Variants in SCAPER observed in about 807,000 individuals in gnomAD.
SCAPER encodes S-phase cyclin A associated protein in the ER.
Under a neutral mutation model 182.2 loss-of-function variants are expected in SCAPER, and 98 were observed. That is an observed-to-expected ratio of 0.54 (90% confidence interval 0.46 to 0.64). The LOEUF is 0.64. Among genes scored for constraint, SCAPER ranks in the 30% least tolerant of loss-of-function variants. The pLI, the probability that SCAPER is intolerant of heterozygous loss-of-function variation, is 0.00. For missense variants in SCAPER, 1,432 were observed against 1,690.0 expected (o/e 0.85, Z 2.68); for synonymous variants, 605 against 564.6 (o/e 1.07, Z -1.01).
At chr15:76,561,572 T>C (rs2046625074) in intron 23 of SCAPER, among the ~76,000 whole-genome samples, 2 of 152,148 alleles carry the variant, frequency 1.3e-5, no homozygotes, top group South Asian at 2.1e-4. Flanking sequence ...TTGAGTAACT[T>C]TTCTTAGCAC....
chr15:76,774,555 T>C, intron 9 of SCAPER: 1 of 354,012 alleles, frequency 2.8e-6, no homozygotes, highest in Non-Finnish European at 5.1e-6. Context: ...ATCCATGCTC[T>C]AGGATTTAAA....
chr15:76,670,207 T>C (rs1390144444), intron 20 of SCAPER, among the ~76,000 whole-genome samples: 1 of 151,850 alleles, frequency 6.6e-6, no homozygotes, highest in Non-Finnish European at 1.5e-5. Flanking sequence ...TTAAAATATT[T>C]CTAATACCTA....
chr15:76,780,376 A>G (rs2064041841), intron 8 of SCAPER, among the ~76,000 whole-genome samples: 1 of 152,228 alleles, frequency 6.6e-6, no homozygotes, highest in African/African-American at 2.4e-5. Context: ...GTGGCCGGGA[A>G]GCTCGAACCA....
At chr15:76,807,248 T>C (rs772780033) in intron 5 of SCAPER, among the ~76,000 whole-genome samples, 1 of 152,252 alleles carries the variant, frequency 6.6e-6, no homozygotes, top group Non-Finnish European at 1.5e-5. Context: ...TGAATGTTTT[T>C]ATCATGAAAT....
chr15:76,479,610 T>G (rs868537038), intron 24 of SCAPER, among the ~76,000 whole-genome samples: 2 of 152,172 alleles, frequency 1.3e-5, no homozygotes, highest in East Asian at 3.9e-4. Flanking sequence ...GCAGGACATA[T>G]AGAAAAAGGA....
At chr15:76,816,024 C>A (rs1270194396) in intron 5 of SCAPER, among the ~76,000 whole-genome samples, 2 of 151,980 alleles carry the variant, frequency 1.3e-5, no homozygotes, top group Non-Finnish European at 1.5e-5. Flanking sequence ...GTAGCATTTA[C>A]CATGAATGGA....
chr15:76,647,112 A>G (rs1460853330), intron 21 of SCAPER, among the ~76,000 whole-genome samples: 1 of 152,210 alleles, frequency 6.6e-6, no homozygotes, highest in East Asian at 1.9e-4. Context: ...GACACCTACC[A>G]TGTGCAGAAA....
intron 22 of SCAPER, among the ~76,000 whole-genome samples, chr15:76,610,629 G>A (rs1411138717): frequency 6.6e-6 from 1 of 152,024 alleles, no homozygotes; most frequent in Non-Finnish European, 1.5e-5. Flanking sequence ...AGATTTCTAT[G>A]TATAAACAAC....
intron 5 of SCAPER, among the ~76,000 whole-genome samples, chr15:76,810,408 C>A (rs1349099810): frequency 6.6e-6 from 1 of 151,466 alleles, no homozygotes; most frequent in African/African-American, 2.4e-5. Context: ...CAAGGGAAGT[C>A]AAGGTGTTAT....
At chr15:76,583,209 G>C (rs1436087751) in intron 22 of SCAPER, among the ~76,000 whole-genome samples, 4 of 152,106 alleles carry the variant, frequency 2.6e-5, no homozygotes, top group Admixed American at 6.6e-5. Flanking sequence ...AAATTAGCCA[G>C]ACATGGTGGC....
chr15:76,550,773 G>A (rs1443337702), intron 23 of SCAPER, among the ~76,000 whole-genome samples: 1 of 152,180 alleles, frequency 6.6e-6, no homozygotes. Context: ...TTGCCACACT[G>A]TCTTCCACAA....
At position 76,650,412 on chromosome 15, in the gene SCAPER, G is replaced by A. The variant is rs1041414394; in HGVS notation, c.2645+15241C>T. ...GTAGGTTTTAGGATAAAGAGAATTA[G>A]AAGAAGATATGAAGAAGGAAAATTG... On this transcript the variant is annotated intron_variant, in intron 21 of 31. Coordinates refer to ENST00000563290, the MANE Select transcript of SCAPER (RefSeq NM_020843.4). Among the ~76,000 whole-genome samples, 3 of 151,878 alleles carry A rather than the reference G, an allele frequency of 2.0e-5. No individual in the cohort carries two copies. In the East Asian group the frequency reaches 5.8e-4, roughly 29 times the overall value.
chr15:76,376,791 CTA>C (rs1283693789), intron 28 of SCAPER, among the ~76,000 whole-genome samples: 1 of 151,968 alleles, frequency 6.6e-6, no homozygotes, highest in Non-Finnish European at 1.5e-5. Flanking sequence ...TAAATAACAA[CTA>C]GTTATTATTC....
chr15:76,677,231 T>C (rs1286410010), intron 20 of SCAPER, among the ~76,000 whole-genome samples: 4 of 152,152 alleles, frequency 2.6e-5, no homozygotes, highest in African/African-American at 9.6e-5. Context: ...TCCTGCATAA[T>C]ACAATTCCTA....
intron 17 of SCAPER, among the ~76,000 whole-genome samples, chr15:76,714,457 G>C (rs2059771009): frequency 6.6e-6 from 1 of 151,880 alleles, no homozygotes; most frequent in Non-Finnish European, 1.5e-5. Context: ...GCATGCCCTG[G>C]GCCCCAGCAA....
intron 5 of SCAPER, among the ~76,000 whole-genome samples, chr15:76,822,903 A>C (rs1301918060): frequency 6.6e-6 from 1 of 152,218 alleles, no homozygotes; most frequent in Non-Finnish European, 1.5e-5. Context: ...ATTTAATTGC[A>C]TTTAAAAAAC....
intron 25 of SCAPER, among the ~76,000 whole-genome samples, chr15:76,458,219 T>TAC (rs373650498): frequency 1.0e-3 from 151 of 151,710 alleles, no homozygotes; most frequent in African/African-American, 3.1e-3. Flanking sequence ...TAGATATATA[T>TAC]ACACACACAC....
At chr15:76,637,888 CTGAG>C (rs1447674516) in intron 21 of SCAPER, among the ~76,000 whole-genome samples, 1 of 151,038 alleles carries the variant, frequency 6.6e-6, no homozygotes, top group Non-Finnish European at 1.5e-5. Context: ...ACTAATTAGA[CTGAG>C]TGTCTTTTCA....
At chr15:76,475,066 A>G (rs2050513750) in intron 24 of SCAPER, among the ~76,000 whole-genome samples, 1 of 152,222 alleles carries the variant, frequency 6.6e-6, no homozygotes, top group Non-Finnish European at 1.5e-5. Context: ...TTTCAAGAGT[A>G]TTTTTCTATT....
Sources: gnomAD v4.1 joint callset for allele counts (sites outside exome capture counted in the v4.1 genomes callset) on GRCh38, gnomAD v4.1.1 for gene constraint, MANE v1.5 for transcripts, NCBI Gene and HGNC (gene_info 2026-07-23, HGNC 2026-07-21) for gene names.